Variants in ABTB3 observed in about 807,000 individuals in gnomAD.
ABTB3 encodes ankyrin repeat- and BTB/POZ domain-containing protein 3.
At chr12:107,622,710 G>GTGGT in the ABTB3 span, among the ~76,000 whole-genome samples, 1 of 152,202 alleles carries the variant, frequency 6.6e-6, no homozygotes, top group African/African-American at 2.4e-5. Flanking sequence ...CTGACCTCAA[G>GTGGT]CAATCCTCCC....
chr12:107,334,105 G>A, the ABTB3 span, among the ~76,000 whole-genome samples: 129 of 152,336 alleles, frequency 8.5e-4, no homozygotes, highest in Admixed American at 1.6e-3. Context: ...CAGGGTCACC[G>A]TAAGCCAGGT....
At chr12:107,580,912 G>A in the ABTB3 span, 2 of 1,551,394 alleles carry the variant, frequency 1.3e-6, no homozygotes, top group East Asian at 4.9e-5. Context: ...TACAGATGAG[G>A]AAACTGAGGC....
chr12:107,348,259 A>T, the ABTB3 span, among the ~76,000 whole-genome samples: 1 of 152,086 alleles, frequency 6.6e-6, no homozygotes, highest in Non-Finnish European at 1.5e-5. Context: ...ATACACACAT[A>T]TACATATATG....
At chr12:107,584,402 G>C in the ABTB3 span, among the ~76,000 whole-genome samples, 1 of 152,218 alleles carries the variant, frequency 6.6e-6, no homozygotes, top group Non-Finnish European at 1.5e-5. Flanking sequence ...CAGCTGCTGT[G>C]AGGCAGAGCA....
chr12:107,343,685 TAA>T, the ABTB3 span, among the ~76,000 whole-genome samples: 1 of 152,102 alleles, frequency 6.6e-6, no homozygotes, highest in African/African-American at 2.4e-5. Flanking sequence ...GAGACATATA[TAA>T]AGGAAAGAGG....
At chr12:107,438,494 T>A in the ABTB3 span, among the ~76,000 whole-genome samples, 1 of 152,216 alleles carries the variant, frequency 6.6e-6, no homozygotes, top group Non-Finnish European at 1.5e-5. Context: ...TGCTGCTCTC[T>A]GAGCCTACCA....
At chr12:107,659,527 T>C in the ABTB3 span, 1 of 152,278 alleles carries the variant, frequency 6.6e-6, no homozygotes, top group Admixed American at 6.5e-5. Context: ...CCTGTGAATG[T>C]CTAATGCTAG....
chr12:107,529,382 GTGATGGTGATGA>G, the ABTB3 span, among the ~76,000 whole-genome samples: 3 of 151,650 alleles, frequency 2.0e-5, no homozygotes, highest in East Asian at 1.9e-4. Flanking sequence ...TGATGTGACA[GTGATGGTGATGA>G]TGATGGTGAT....
the ABTB3 span, among the ~76,000 whole-genome samples, chr12:107,361,788 G>T: frequency 6.6e-6 from 1 of 152,162 alleles, no homozygotes; most frequent in Admixed American, 6.5e-5. Context: ...TCGATTGGAG[G>T]TTTGTGTCCC....
At chr12:107,498,491 A>T in the ABTB3 span, among the ~76,000 whole-genome samples, 2 of 152,328 alleles carry the variant, frequency 1.3e-5, no homozygotes, top group East Asian at 1.9e-4. Flanking sequence ...TCTTACAATG[A>T]TGTAGGTCAG....
At chr12:107,539,874 T>C in the ABTB3 span, among the ~76,000 whole-genome samples, 1 of 152,216 alleles carries the variant, frequency 6.6e-6, no homozygotes, top group African/African-American at 2.4e-5. Flanking sequence ...CCTGCTTAAC[T>C]TTCAGCAGTA....
the ABTB3 span, among the ~76,000 whole-genome samples, chr12:107,362,739 A>G: frequency 2.0e-4 from 31 of 152,144 alleles, no homozygotes; most frequent in African/African-American, 7.2e-4. Context: ...GCTGCAGTGA[A>G]CTATGATCAT....
the ABTB3 span, among the ~76,000 whole-genome samples, chr12:107,403,422 C>A: frequency 6.6e-6 from 1 of 152,140 alleles, no homozygotes; most frequent in Non-Finnish European, 1.5e-5. Flanking sequence ...TTCCTACCAG[C>A]TACTACATCT....
the ABTB3 span, among the ~76,000 whole-genome samples, chr12:107,425,388 G>C: frequency 6.4e-4 from 97 of 152,276 alleles, no homozygotes; most frequent in African/African-American, 2.3e-3. Flanking sequence ...ATTTCCTTGT[G>C]GGGTGAGGAA....
At chr12:107,651,160 G>A in the ABTB3 span, among the ~76,000 whole-genome samples, 85 of 152,138 alleles carry the variant, frequency 5.6e-4, no homozygotes, top group Middle Eastern at 0.01. Context: ...GATGAAAACC[G>A]ACACAGATCC....
the ABTB3 span, chr12:107,649,496 C>T: frequency 1.9e-6 from 1 of 537,592 alleles, no homozygotes; most frequent in Non-Finnish European, 3.4e-6. Flanking sequence ...GGTGCTAGTG[C>T]ACTTGCTTGC....
At chr12:107,515,490 G>A in the ABTB3 span, among the ~76,000 whole-genome samples, 14,860 of 152,162 alleles carry the variant, frequency 0.098, 802 homozygotes, top group South Asian at 0.14. Flanking sequence ...TGATTATATG[G>A]CACTTTTTGC....
At chr12:107,498,032 C>G in the ABTB3 span, among the ~76,000 whole-genome samples, 1 of 152,168 alleles carries the variant, frequency 6.6e-6, no homozygotes, top group South Asian at 2.1e-4. Context: ...GTGAGGCACC[C>G]TGGGGTGGAG....
the ABTB3 span, among the ~76,000 whole-genome samples, chr12:107,413,289 A>G: frequency 6.6e-6 from 1 of 152,160 alleles, no homozygotes; most frequent in Non-Finnish European, 1.5e-5. Flanking sequence ...ATAAAAAAAA[A>G]AGCGCATTGA....
Sources: gnomAD v4.1 joint callset for allele counts (sites outside exome capture counted in the v4.1 genomes callset) on GRCh38, gnomAD v4.1.1 for gene constraint, MANE v1.5 for transcripts, NCBI Gene and HGNC (gene_info 2026-07-23, HGNC 2026-07-21) for gene names.